RARRES1: variants seen among roughly 807,000 people sequenced by gnomAD.
RARRES1 encodes the protein retinoic acid receptor responder protein 1.
A neutral mutation model predicts 30.6 loss-of-function variants in RARRES1; 34 were observed. The ratio of observed to expected loss-of-function variants is 1.11; its 90% CI spans 0.84 to 1.48. The LOEUF (loss-of-function observed/expected upper bound fraction) is 1.48. RARRES1 is among the 40% of genes most tolerant of loss of function. The pLI is 0.00. For synonymous variants in RARRES1, 153 were observed against 155.5 expected (o/e 0.98, Z 0.12); for missense variants, 373 against 386.5 (o/e 0.97, Z 0.29).
chr3:158,707,104 C>T (rs895913144), intron 3 of RARRES1, among the ~76,000 whole-genome samples: 3 of 152,200 alleles, frequency 2.0e-5, no homozygotes, highest in Middle Eastern at 3.4e-3. Context: ...AGGAGACAGA[C>T]GTTGCAGTGA....
At chr3:158,704,959 A>G in intron 3 of RARRES1, 32 bp from the exon 4 acceptor site, 1 of 1,589,188 alleles carries the variant, frequency 6.3e-7, no homozygotes. Flanking sequence ...CATTTGTATT[A>G]ATGCATTTTT....
intron 4 of RARRES1, among the ~76,000 whole-genome samples, chr3:158,700,875 C>T (rs1279469543): frequency 6.6e-6 from 1 of 152,028 alleles, no homozygotes; most frequent in African/African-American, 2.4e-5. Flanking sequence ...TTGGTCATAA[C>T]CCAACCCACC....
Position 158,697,934 on chromosome 3 carries a change from C to T in RARRES1, c.709G>A (p.Val237Ile). ...NDDTIDFDYT[V>I]LLHELSTQEI... ...TGTGTTGATAATTCATGAAGTAGAA[C>T]AGTATAATCAAAATCAATTGTATCA... Residue 237 changes from valine (V) to isoleucine (I), a missense_variant, in exon 5 of 6, where the codon GTT (valine) becomes ATT (isoleucine). Val to Ile is a conservative substitution (Grantham distance 29). Coordinates refer to ENST00000237696, the MANE Select transcript of RARRES1 (RefSeq NM_206963.2). 6.5e-7 allele frequency: 1 copy of T among 1,546,742 alleles called. No individual in the cohort carries two copies.
chr3:158,708,306 GA>G (rs761360375), intron 3 of RARRES1, among the ~76,000 whole-genome samples: 14 of 152,122 alleles, frequency 9.2e-5, no homozygotes, highest in Non-Finnish European at 1.3e-4. Context: ...TCAGATTTGT[GA>G]GATCAAAACC....
At chr3:158,725,627 TA>T (rs200344084) in intron 1 of RARRES1, among the ~76,000 whole-genome samples, 4 of 150,220 alleles carry the variant, frequency 2.7e-5, no homozygotes, top group African/African-American at 4.9e-5. Context: ...CGTGGGCTGG[TA>T]AAAAAAAAAT....
At position 158,723,658 on chromosome 3, in the gene RARRES1, C is replaced by G. The variant is rs1326286721; in HGVS notation, c.276+8482G>C. ...CTGTGTGTCCTCTCTCTCAGCCAAC[C>G]CTGGGTCCCACGTTCTTGATTTGGG... On this transcript the variant is annotated intron_variant, in intron 1 of 5. Coordinates refer to ENST00000237696, the MANE Select transcript of RARRES1 (RefSeq NM_206963.2). The surrounding 1 kb of genome is among the most constrained non-coding windows in gnomAD (Gnocchi z 4.4). Among the ~76,000 whole-genome samples the G allele has an allele frequency of 4.6e-5, 7 of 152,188 alleles. No homozygotes were observed. The highest frequency in any genetic ancestry group is 1.0e-4 in the Non-Finnish European group (7 of 68,038).
At chr3:158,709,372 A>G (rs1329013263) in intron 3 of RARRES1, among the ~76,000 whole-genome samples, 1 of 152,224 alleles carries the variant, frequency 6.6e-6, no homozygotes, top group Non-Finnish European at 1.5e-5. Flanking sequence ...CAATTCCTAA[A>G]TAAGTGTAGA....
At chr3:158,721,845 C>G (rs1727520865) in intron 1 of RARRES1, among the ~76,000 whole-genome samples, 1 of 152,040 alleles carries the variant, frequency 6.6e-6, no homozygotes, top group Admixed American at 6.6e-5. Flanking sequence ...AATCCCAGCA[C>G]TTTGGGAGGC....
chr3:158,730,444 C>G (rs1727846802), intron 1 of RARRES1, among the ~76,000 whole-genome samples: 2 of 144,030 alleles, frequency 1.4e-5, no homozygotes, highest in Non-Finnish European at 3.0e-5. Flanking sequence ...CTTTTTTTTC[C>G]CCATAGGGTC....
At chr3:158,705,960 T>C (rs984749752) in intron 3 of RARRES1, among the ~76,000 whole-genome samples, 4 of 152,192 alleles carry the variant, frequency 2.6e-5, no homozygotes, top group African/African-American at 9.7e-5. Flanking sequence ...GAGCTCAAAT[T>C]TTATGAGGTG....
At chr3:158,702,425 A>T (rs1411694302) in intron 4 of RARRES1, among the ~76,000 whole-genome samples, 1 of 152,186 alleles carries the variant, frequency 6.6e-6, no homozygotes. Flanking sequence ...TGGACAGATG[A>T]TGGACATGAA....
chr3:158,700,229 A>G (rs199694597), intron 4 of RARRES1, among the ~76,000 whole-genome samples: 25,187 of 132,140 alleles, frequency 0.19, 2,152 homozygotes, highest in South Asian at 0.26. Flanking sequence ...GTGTGTATAT[A>G]TATATATATA....
At chr3:158,698,676 C>CCT (rs1726628873) in intron 4 of RARRES1, among the ~76,000 whole-genome samples, 1 of 98,254 alleles carries the variant, frequency 1.0e-5, no homozygotes, top group Non-Finnish European at 2.1e-5. Flanking sequence ...TCTGACATTT[C>CCT]CTTTTTTTTT....
At chr3:158,706,243 T>C (rs934530292) in intron 3 of RARRES1, among the ~76,000 whole-genome samples, 2 of 152,184 alleles carry the variant, frequency 1.3e-5, no homozygotes, top group Non-Finnish European at 2.9e-5. Flanking sequence ...GGGGTTATAG[T>C]TGATACATTC....
intron 3 of RARRES1, among the ~76,000 whole-genome samples, chr3:158,708,618 A>C: frequency 6.6e-6 from 1 of 152,184 alleles, no homozygotes; most frequent in South Asian, 2.1e-4. Flanking sequence ...CCATTGTACT[A>C]CAACAGTCCA....
At chr3:158,704,560 T>G (rs999739058) in intron 4 of RARRES1, 1 of 503,204 alleles carries the variant, frequency 2.0e-6, no homozygotes, top group African/African-American at 2.0e-5. Flanking sequence ...TCTTTTTATC[T>G]TCTCTCACTA....
Position 158,698,183 on chromosome 3 carries a change from T to A in RARRES1, c.673-213A>T, listed in dbSNP as rs1726610832. Reference sequence around the variant, plus strand: ...TGAGTTATATGAAAGTCTGGTTGAATGTCTGTCACTTTTTCTGATGGAGAC... The same window carrying A: ...TGAGTTATATGAAAGTCTGGTTGAAAGTCTGTCACTTTTTCTGATGGAGAC... On this transcript the variant is annotated intron_variant, in intron 4 of 5. Transcript: ENST00000237696. The A allele has an allele frequency of 9.6e-6, 5 of 519,670 alleles. No individual in the cohort carries two copies. The South Asian group carries it at 1.2e-4, about 12-fold the overall frequency. 32.2% of individuals were successfully genotyped at this position (519,670 alleles called of 1,614,324 possible).
chr3:158,725,864 C>T (rs547496204), intron 1 of RARRES1, among the ~76,000 whole-genome samples: 1 of 152,128 alleles, frequency 6.6e-6, no homozygotes, highest in Admixed American at 6.5e-5. Flanking sequence ...GGGTGGAGAC[C>T]GTAGGCACAT....
intron 4 of RARRES1, among the ~76,000 whole-genome samples, chr3:158,701,571 C>T (rs113437967): frequency 1.1e-4 from 16 of 152,298 alleles, no homozygotes; most frequent in Middle Eastern, 3.4e-3. Context: ...TTCCTGCCTC[C>T]GTGCCATACT....
Sources: allele counts gnomAD v4.1 joint callset (sites outside exome capture counted in the v4.1 genomes callset), GRCh38; gene constraint gnomAD v4.1.1; non-coding constraint Gnocchi (gnomAD v3.1); transcripts MANE v1.5; gene names NCBI Gene and HGNC (gene_info 2026-07-23, HGNC 2026-07-21).